UBE2K: variants seen among roughly 807,000 people sequenced by gnomAD.
The protein encoded by UBE2K is ubiquitin conjugating enzyme E2 K, also known as ubiquitin-conjugating enzyme E2 K.
In UBE2K, 6 loss-of-function variants were observed where a neutral mutation model predicts 30.0. The observed-to-expected ratio is 0.20, with a 90% CI of 0.11 to 0.39. The LOEUF (loss-of-function observed/expected upper bound fraction) is 0.39, where lower values mean the gene tolerates loss of function less well. Ranked by LOEUF, UBE2K falls within the 10% of genes least tolerant of loss-of-function variation. UBE2K has a pLI of 1.00. For synonymous variants in UBE2K, 86 were observed against 83.7 expected (o/e 1.03, Z -0.15); for missense variants, 61 against 241.6 (o/e 0.25, Z 4.96).
At position 39,698,154 on chromosome 4, in the gene UBE2K, C is replaced by G; in HGVS notation, c.-174C>G. On this transcript the variant is annotated 5_prime_UTR_variant, in exon 1 of 7. Coordinates refer to ENST00000261427, the MANE Select transcript of UBE2K (RefSeq NM_005339.5). ...ACCCGGCGCCATTTTGGTGGCCGGG[C>G]GCGGAGGTGATTCCACACTGAGGCG... is the stretch of plus-strand genomic sequence containing the variant. The G allele has an allele frequency of 1.5e-6, 1 of 672,400 alleles. No homozygotes were observed. The highest frequency in any genetic ancestry group is 2.7e-6 in the Non-Finnish European group (1 of 373,774). The allele number at this position is 672,400 out of a possible 1,614,324, so 41.7% of individuals were successfully genotyped here.
At chr4:39,771,092 C>T (rs764905782) in intron 4 of UBE2K, 1 of 1,612,686 alleles carries the variant, frequency 6.2e-7, no homozygotes, top group South Asian at 1.1e-5. Flanking sequence ...CATTTCTCCA[C>T]CACGTGCTCC....
chr4:39,743,817 C>G (rs900431852), intron 2 of UBE2K, among the ~76,000 whole-genome samples: 18 of 152,150 alleles, frequency 1.2e-4, no homozygotes, highest in Non-Finnish European at 1.8e-4. Context: ...AATCCAGCCT[C>G]TCATCCAGTG....
At chr4:39,708,641 A>G (rs572952372) in intron 1 of UBE2K, among the ~76,000 whole-genome samples, 11 of 152,216 alleles carry the variant, frequency 7.2e-5, no homozygotes, top group Admixed American at 2.6e-4. Context: ...TAAGAAAAAT[A>G]TAGTGTCTTA....
intron 1 of UBE2K, among the ~76,000 whole-genome samples, chr4:39,726,879 G>A (rs1719781760): frequency 6.6e-6 from 1 of 152,176 alleles, no homozygotes; most frequent in Non-Finnish European, 1.5e-5. Context: ...TTACCAGCGT[G>A]AGCCAATGTA....
chr4:39,719,603 T>G (rs1260863784), intron 1 of UBE2K, among the ~76,000 whole-genome samples: 1 of 152,236 alleles, frequency 6.6e-6, no homozygotes, highest in Non-Finnish European at 1.5e-5. Flanking sequence ...ATTAGAAATG[T>G]AGGACCAGCT....
chr4:39,729,788 G>A (rs933331548), intron 1 of UBE2K, among the ~76,000 whole-genome samples: 3 of 152,238 alleles, frequency 2.0e-5, no homozygotes, highest in African/African-American at 7.2e-5. Flanking sequence ...TCACATTGGC[G>A]GCATTTCAAT....
intron 1 of UBE2K, among the ~76,000 whole-genome samples, chr4:39,723,627 G>A (rs536998867): frequency 1.6e-3 from 250 of 152,022 alleles, no homozygotes; most frequent in African/African-American, 5.8e-3. Flanking sequence ...CTCGGCCTCC[G>A]AAAGTGCTAG....
chr4:39,757,356 G>A (rs895952427), intron 4 of UBE2K, among the ~76,000 whole-genome samples: 1 of 151,832 alleles, frequency 6.6e-6, no homozygotes, highest in Non-Finnish European at 1.5e-5. Flanking sequence ...TTAAGAAAGG[G>A]GAGAAAAAAA....
At chr4:39,769,213 G>GTTTTTTTTTTTTTTC (rs1712566882) in intron 4 of UBE2K, among the ~76,000 whole-genome samples, 2 of 128,696 alleles carry the variant, frequency 1.6e-5, no homozygotes, top group African/African-American at 2.9e-5. Flanking sequence ...GTTTCTTTTT[G>GTTTTTTTTTTTTTTC]TTTTTTTTTT....
intron 1 of UBE2K, among the ~76,000 whole-genome samples, chr4:39,698,643 A>G (rs887710085): frequency 2.0e-5 from 3 of 151,076 alleles, no homozygotes; most frequent in Admixed American, 6.6e-5. Flanking sequence ...ACAGGGGGCA[A>G]CTCCTCGGAG....
intron 1 of UBE2K, among the ~76,000 whole-genome samples, chr4:39,728,570 T>C (rs1288132978): frequency 6.6e-6 from 1 of 151,980 alleles, no homozygotes; most frequent in African/African-American, 2.4e-5. Context: ...ATCTTTTTCT[T>C]CCTTTCTTCT....
intron 4 of UBE2K, among the ~76,000 whole-genome samples, chr4:39,761,852 A>G (rs1322814693): frequency 6.6e-6 from 1 of 151,986 alleles, no homozygotes; most frequent in African/African-American, 2.4e-5. Context: ...TACAGTTTCT[A>G]TAGTATTCAT....
At chr4:39,747,054 T>C (rs1050976236) in intron 3 of UBE2K, among the ~76,000 whole-genome samples, 1 of 152,206 alleles carries the variant, frequency 6.6e-6, no homozygotes, top group African/African-American at 2.4e-5. Context: ...TTCAACCTAT[T>C]GGTTGTTCCA....
At chr4:39,741,291 T>TCTGCTG (rs570409332) in intron 2 of UBE2K, among the ~76,000 whole-genome samples, 5 of 152,006 alleles carry the variant, frequency 3.3e-5, no homozygotes, top group Non-Finnish European at 5.9e-5. Flanking sequence ...AGTGCTTATT[T>TCTGCTG]CTGCTGCTGC....
intron 4 of UBE2K, among the ~76,000 whole-genome samples, chr4:39,772,057 A>T (rs1248913069): frequency 7.9e-5 from 12 of 152,048 alleles, no homozygotes; most frequent in South Asian, 2.1e-4. Flanking sequence ...GGCTGGTCTC[A>T]AACTCCTGGC....
chr4:39,744,442 T>G (rs1372359052), intron 2 of UBE2K, among the ~76,000 whole-genome samples: 3 of 150,332 alleles, frequency 2.0e-5, no homozygotes, highest in South Asian at 2.1e-4. Flanking sequence ...AAAGTGCTGG[T>G]ATTACAGGCA....
intron 4 of UBE2K, among the ~76,000 whole-genome samples, chr4:39,760,176 C>CCAAA (rs377307189): frequency 1.3e-5 from 1 of 77,184 alleles, no homozygotes; most frequent in Non-Finnish European, 2.2e-5. Context: ...GACTCTGTCA[C>CCAAA]AAAAAAAAAA....
chr4:39,759,396 C>T (rs1157801138), intron 4 of UBE2K, among the ~76,000 whole-genome samples: 3 of 152,168 alleles, frequency 2.0e-5, no homozygotes, highest in Non-Finnish European at 4.4e-5. Context: ...CCTGCCTCGG[C>T]CTCCTAAGTA....
intron 1 of UBE2K, among the ~76,000 whole-genome samples, chr4:39,723,128 C>G (rs78248266): frequency 0.026 from 3,968 of 151,882 alleles, 76 homozygotes; most frequent in East Asian, 0.066. Context: ...ACTGCACCCC[C>G]TGCCTTCCAG....
Sources: gnomAD v4.1 joint callset for allele counts (sites outside exome capture counted in the v4.1 genomes callset) on GRCh38, gnomAD v4.1.1 for gene constraint, MANE v1.5 for transcripts, NCBI Gene and HGNC (gene_info 2026-07-23, HGNC 2026-07-21) for gene names.